FAF1: variants seen among roughly 807,000 people sequenced by gnomAD.
FAF1 encodes the protein FAS-associated factor 1.
FAF1 carries 25 observed loss-of-function variants against 92.5 expected under a neutral mutation model. The observed-to-expected ratio is 0.27, with a 90% CI of 0.20 to 0.38. The LOEUF (loss-of-function observed/expected upper bound fraction) is 0.38. FAF1 is among the 10% of genes least tolerant of loss of function. FAF1 has a pLI of 1.00. For synonymous variants in FAF1, 234 were observed against 273.2 expected (o/e 0.86, Z 1.42); for missense variants, 636 against 793.3 (o/e 0.80, Z 2.38).
chr1:50,872,229 A>G (rs1474692846), intron 1 of FAF1, among the ~76,000 whole-genome samples: 1 of 152,202 alleles, frequency 6.6e-6, no homozygotes, highest in Non-Finnish European at 1.5e-5. Context: ...AGGTCAAAAT[A>G]TCAACATCAA....
Position 50,574,896 on chromosome 1 carries a change from CTCTTTTTTTTTT to C in FAF1, c.1114-7677_1114-7666del, listed in dbSNP as rs1473979426. Among the ~76,000 whole-genome samples the C allele has an allele frequency of 1.4e-3, 173 of 122,916 alleles. 1 individual carries two copies. Among genetic ancestry groups the C allele is most frequent in the African/African-American group, 5.4e-3 (167 of 30,806 alleles). The allele number at this position is 122,916 out of a possible 152,430, so 80.6% of individuals were successfully genotyped here. On this transcript the variant is annotated intron_variant, in intron 12 of 18. Transcript: ENST00000396153. ...GTTTAAGCATATAGAGTTGTATTAA[CTCTTTTTTTTTT>C]TTTTTTTTTTTTTTTTTTGAGACAG...
At chr1:50,856,641 T>C (rs1644392164) in intron 2 of FAF1, among the ~76,000 whole-genome samples, 1 of 151,794 alleles carries the variant, frequency 6.6e-6, no homozygotes, top group Non-Finnish European at 1.5e-5. Flanking sequence ...GTTAAAAGTA[T>C]TCAAAACTCC....
intron 8 of FAF1, among the ~76,000 whole-genome samples, chr1:50,639,371 C>A (rs1431481151): frequency 1.3e-5 from 2 of 152,184 alleles, no homozygotes; most frequent in Non-Finnish European, 2.9e-5. Flanking sequence ...CCGCTGTTTT[C>A]CAGAGTGGCT....
Position 50,557,195 on chromosome 1 carries a change from T to C in FAF1, c.1268+9882A>G, listed in dbSNP as rs1028259740. Reference sequence around the variant, plus strand: ...AAACTATTTGCTGAAAAGGACTTTCTTGGTGCTGATCATGTATTGAGGGGA... The same window carrying C: ...AAACTATTTGCTGAAAAGGACTTTCCTGGTGCTGATCATGTATTGAGGGGA... On this transcript the variant is annotated intron_variant, in intron 13 of 18. Transcript: ENST00000396153. 6.2e-4 allele frequency among the ~76,000 whole-genome samples: 94 copies of C among 152,238 alleles called. 1 individual carries two copies. Among genetic ancestry groups the C allele is most frequent in the Non-Finnish European group, 2.1e-4 (14 of 68,042 alleles).
intron 15 of FAF1, among the ~76,000 whole-genome samples, chr1:50,519,424 G>A (rs1253014774): frequency 7.0e-6 from 1 of 143,464 alleles, no homozygotes; most frequent in Non-Finnish European, 1.5e-5. Context: ...GAGAAGGAAG[G>A]AAGGAAGGAA....
chr1:50,860,595 T>A (rs985545827), intron 1 of FAF1, among the ~76,000 whole-genome samples: 4 of 151,692 alleles, frequency 2.6e-5, no homozygotes, highest in African/African-American at 4.8e-5. Context: ...ATATATTTTT[T>A]AAAAAACAGA....
intron 12 of FAF1, among the ~76,000 whole-genome samples, chr1:50,576,298 A>G (rs1346789631): frequency 1.3e-5 from 2 of 152,164 alleles, no homozygotes; most frequent in Non-Finnish European, 2.9e-5. Context: ...AGGGCCACAG[A>G]GCTACTAAGT....
chr1:50,815,849 C>A (rs896077711), intron 2 of FAF1, among the ~76,000 whole-genome samples: 1 of 151,966 alleles, frequency 6.6e-6, no homozygotes, highest in Non-Finnish European at 1.5e-5. Context: ...CATGGTGAAA[C>A]CCTGTCTCTA....
intron 2 of FAF1, among the ~76,000 whole-genome samples, chr1:50,806,572 C>T (rs964142837): frequency 2.6e-5 from 4 of 152,158 alleles, no homozygotes; most frequent in East Asian, 1.9e-4. Flanking sequence ...CACAAATGAA[C>T]GCAGAGCCCA....
intron 8 of FAF1, among the ~76,000 whole-genome samples, chr1:50,610,190 A>C (rs996857099): frequency 1.3e-5 from 2 of 152,220 alleles, no homozygotes; most frequent in Non-Finnish European, 2.9e-5. Context: ...CATTCAGCTC[A>C]TTCAAATATA....
chr1:50,511,712 G>A (rs1647137244), intron 15 of FAF1, among the ~76,000 whole-genome samples: 1 of 152,122 alleles, frequency 6.6e-6, no homozygotes. Context: ...AAACATATGT[G>A]TGCATGTGTC....
In FAF1 at chr1:50,537,131, A is replaced by G. The variant is rs190411496; in HGVS notation, c.1406-1674T>C. 1.4e-4 allele frequency among the ~76,000 whole-genome samples: 21 copies of G among 152,210 alleles called. 1 individual carries two copies. In the East Asian group the frequency reaches 3.7e-3, roughly 27 times the overall value. On this transcript the variant is annotated intron_variant, in intron 14 of 18. Transcript: ENST00000396153. ...TTATTGGGCAAGTCTCTGGGTTTCT[A>G]TGTTTTATTTAAAAACTGTAGTGGC... is the stretch of plus-strand genomic sequence containing the variant.
chr1:50,554,384 T>TAG (rs1470102231), intron 13 of FAF1, among the ~76,000 whole-genome samples: 1,009 of 97,854 alleles, frequency 0.01, 9 homozygotes, highest in African/African-American at 0.032. Flanking sequence ...TATATATATA[T>TAG]ATATATAGAG....
chr1:50,636,126 C>A (rs192027782), intron 8 of FAF1, among the ~76,000 whole-genome samples: 67 of 152,250 alleles, frequency 4.4e-4, no homozygotes, highest in African/African-American at 1.3e-3. Flanking sequence ...GATCAACATA[C>A]TCATCCTAAA....
chr1:50,846,500 A>C (rs969980651), intron 2 of FAF1: 4 of 493,420 alleles, frequency 8.1e-6, no homozygotes, highest in African/African-American at 3.9e-5. Context: ...TTAATCCTGA[A>C]AGCCATGCCG....
At chr1:50,625,151 C>T (rs942674812) in intron 8 of FAF1, among the ~76,000 whole-genome samples, 1 of 152,092 alleles carries the variant, frequency 6.6e-6, no homozygotes, top group African/African-American at 2.4e-5. Flanking sequence ...CCACCCACCT[C>T]AGCTTCCCAA....
chr1:50,659,038 T>G (rs914102282), intron 7 of FAF1, among the ~76,000 whole-genome samples: 15 of 151,976 alleles, frequency 9.9e-5, no homozygotes, highest in African/African-American at 3.4e-4. Context: ...AAAATTGAAA[T>G]CATAATCCTG....
chr1:50,676,737 G>A lies in FAF1; in HGVS notation c.658-21209C>T, dbSNP rs12084673. On this transcript the variant is annotated intron_variant, in intron 7 of 18. Transcript: ENST00000396153. ...CTCGGGAGGCTGAGGCAGGAGAATC[G>A]CTTGAAACCAGGAAGAGGAGGTTGC... Among the ~76,000 whole-genome samples the A allele has an allele frequency of 9.8e-3, 1,496 of 152,136 alleles. 23 individuals are homozygous for A. Among genetic ancestry groups the A allele is most frequent in the African/African-American group, 0.034 (1,417 of 41,494 alleles).
chr1:50,636,884 GTTGAAGTTATCTATCT>G (rs1410462002), intron 8 of FAF1, among the ~76,000 whole-genome samples: 1 of 151,820 alleles, frequency 6.6e-6, no homozygotes, highest in Non-Finnish European at 1.5e-5. Flanking sequence ...TAAGGTAAAA[GTTGAAGTTATCTATCT>G]TTACTGATAT....
Sources: allele counts gnomAD v4.1 joint callset (sites outside exome capture counted in the v4.1 genomes callset), GRCh38; gene constraint gnomAD v4.1.1; transcripts MANE v1.5; gene names NCBI Gene and HGNC (gene_info 2026-07-23, HGNC 2026-07-21).